The following FHIT variants were observed in gnomAD, a reference collection of about 807,000 sequenced individuals.
FHIT encodes the protein fragile histidine triad diadenosine triphosphatase.
Under a neutral mutation model 17.9 loss-of-function variants are expected in FHIT, and 19 were observed. The ratio of observed to expected loss-of-function variants is 1.06; its 90% CI spans 0.74 to 1.56. The LOEUF is 1.56. FHIT is among the 40% of genes most tolerant of loss of function. The probability of loss-of-function intolerance (pLI) is 0.00; values close to 1 mark genes in which losing one functional copy is unlikely to be tolerated. For missense variants in FHIT, 248 were observed against 189.2 expected, an observed-to-expected ratio of 1.31 and a Z score of -1.82; for synonymous variants, 81 against 69.7, an observed-to-expected ratio of 1.16 and a Z score of -0.81.
At chr3:59,878,649 C>T (rs888051662) in intron 8 of FHIT, among the ~76,000 whole-genome samples, 5 of 152,012 alleles carry the variant, frequency 3.3e-5, no homozygotes, top group African/African-American at 4.8e-5. Flanking sequence ...GGAACACAGC[C>T]GAAGAGAAAG....
intron 8 of FHIT, among the ~76,000 whole-genome samples, chr3:59,884,643 G>C (rs930723994): frequency 6.6e-6 from 1 of 152,140 alleles, no homozygotes; most frequent in East Asian, 1.9e-4. Flanking sequence ...GCTACCAGAT[G>C]GTGACAGATT....
chr3:60,710,635 C>T (rs868928282), intron 4 of FHIT, among the ~76,000 whole-genome samples: 4 of 152,218 alleles, frequency 2.6e-5, no homozygotes, highest in South Asian at 2.1e-4. Flanking sequence ...ACACCTGGCT[C>T]GGAGGGTCCT....
At chr3:60,210,889 C>A (rs1258911152) in intron 5 of FHIT, among the ~76,000 whole-genome samples, 1 of 151,960 alleles carries the variant, frequency 6.6e-6, no homozygotes, top group Non-Finnish European at 1.5e-5. Context: ...CACAGAATTG[C>A]ACTTCTGGGA....
intron 5 of FHIT, among the ~76,000 whole-genome samples, chr3:60,198,901 G>A (rs1275202693): frequency 6.6e-6 from 1 of 152,160 alleles, no homozygotes; most frequent in Non-Finnish European, 1.5e-5. Flanking sequence ...TATTACTGCA[G>A]AGAACAAAAT....
intron 2 of FHIT, among the ~76,000 whole-genome samples, chr3:61,173,267 T>C (rs1245617371): frequency 6.6e-6 from 1 of 151,748 alleles, no homozygotes; most frequent in Admixed American, 6.6e-5. Context: ...TTGGAGCTGC[T>C]GAAAAGAAAA....
intron 1 of FHIT, among the ~76,000 whole-genome samples, chr3:61,217,616 C>T (rs939803621): frequency 6.6e-6 from 1 of 152,230 alleles, no homozygotes; most frequent in African/African-American, 2.4e-5. Context: ...AGAAAGAGAA[C>T]AACAGCCTTG....
At chr3:60,562,206 A>T (rs2036977390) in intron 4 of FHIT, among the ~76,000 whole-genome samples, 1 of 152,202 alleles carries the variant, frequency 6.6e-6, no homozygotes, top group Non-Finnish European at 1.5e-5. Flanking sequence ...TTTATTTAAC[A>T]ACTACATACA....
intron 3 of FHIT, among the ~76,000 whole-genome samples, chr3:60,878,368 G>A (rs1180678997): frequency 6.6e-6 from 1 of 152,134 alleles, no homozygotes; most frequent in East Asian, 1.9e-4. Context: ...CTGCTTGTAG[G>A]CCATGTAAGA....
At chr3:60,142,216 C>A (rs1295632374) in intron 5 of FHIT, among the ~76,000 whole-genome samples, 2 of 152,042 alleles carry the variant, frequency 1.3e-5, no homozygotes, top group African/African-American at 4.8e-5. Context: ...GCTGTGAGAC[C>A]CTGAACAAGT....
At chr3:60,279,257 C>T (rs1707312680) in intron 5 of FHIT, among the ~76,000 whole-genome samples, 2 of 152,050 alleles carry the variant, frequency 1.3e-5, no homozygotes, top group South Asian at 4.2e-4. Flanking sequence ...ATATGATGAA[C>T]AACTCTGTGA....
At chr3:60,426,542 A>ACATT (rs1326073041) in intron 5 of FHIT, among the ~76,000 whole-genome samples, 1 of 152,108 alleles carries the variant, frequency 6.6e-6, no homozygotes, top group Non-Finnish European at 1.5e-5. Context: ...ATCACTGCTC[A>ACATT]CATTCATTCA....
At chr3:60,386,922 G>A (rs1014101998) in intron 5 of FHIT, among the ~76,000 whole-genome samples, 2 of 151,934 alleles carry the variant, frequency 1.3e-5, no homozygotes, top group African/African-American at 4.8e-5. Context: ...TCCATAGCCT[G>A]TTAGGGTTAA....
chr3:60,273,458 A>G (rs1706966822), intron 5 of FHIT, among the ~76,000 whole-genome samples: 2 of 151,796 alleles, frequency 1.3e-5, no homozygotes, highest in African/African-American at 2.4e-5. Context: ...AATACAAAAA[A>G]AATTAGCCAG....
chr3:60,553,332 A>G (rs2036621219), intron 4 of FHIT: 1 of 873,970 alleles, frequency 1.1e-6, no homozygotes, highest in Non-Finnish European at 1.4e-6. Flanking sequence ...AAACCTACCT[A>G]TGACTCAAGT....
intron 4 of FHIT, among the ~76,000 whole-genome samples, chr3:60,594,432 A>T (rs983599015): frequency 6.6e-6 from 1 of 152,098 alleles, no homozygotes; most frequent in Admixed American, 6.6e-5. Flanking sequence ...ATCGGCCCCA[A>T]ATGGTTGGTA....
At chr3:61,046,821 T>A (rs1281237191) in intron 2 of FHIT, among the ~76,000 whole-genome samples, 2 of 152,174 alleles carry the variant, frequency 1.3e-5, no homozygotes, top group African/African-American at 4.8e-5. Flanking sequence ...ATCCCTGGGA[T>A]GCAAGGATGG....
intron 5 of FHIT, among the ~76,000 whole-genome samples, chr3:60,354,146 C>T (rs1382690163): frequency 6.6e-6 from 1 of 151,994 alleles, no homozygotes; most frequent in African/African-American, 2.4e-5. Flanking sequence ...ATATGACATG[C>T]TTGTAACATA....
At chr3:60,134,307 T>C (rs1251265854) in intron 5 of FHIT, among the ~76,000 whole-genome samples, 1 of 152,188 alleles carries the variant, frequency 6.6e-6, no homozygotes, top group African/African-American at 2.4e-5. Flanking sequence ...ACTTAGTCAC[T>C]TAGTCGCAGA....
At chr3:60,746,386 A>G (rs2042357052) in intron 4 of FHIT, among the ~76,000 whole-genome samples, 1 of 152,216 alleles carries the variant, frequency 6.6e-6, no homozygotes, top group South Asian at 2.1e-4. Flanking sequence ...TTATTTTGAA[A>G]ATGAAAGGAT....
Sources: gnomAD v4.1 joint callset for allele counts (sites outside exome capture counted in the v4.1 genomes callset) on GRCh38, gnomAD v4.1.1 for gene constraint, MANE v1.5 for transcripts, NCBI Gene and HGNC (gene_info 2026-07-23, HGNC 2026-07-21) for gene names.